Variants in GLIS1 observed in about 807,000 individuals in gnomAD.
GLIS1 encodes GLIS family zinc finger 1.
In GLIS1, 24 loss-of-function variants were observed where a neutral mutation model predicts 63.8. The ratio of observed to expected loss-of-function variants is 0.38; its 90% confidence interval spans 0.27 to 0.53. The LOEUF (loss-of-function observed/expected upper bound fraction) is 0.53, where lower values mean the gene tolerates loss of function less well. GLIS1 is among the 20% of genes least tolerant of loss of function. The pLI is 0.85. For synonymous variants in GLIS1, 450 were observed against 482.5 expected (o/e 0.93, Z 0.88); for missense variants, 1,036 against 1,074.1 (o/e 0.96, Z 0.50).
chr1:53,600,340 T>G, intron 2 of GLIS1, 62 bp from the exon 3 acceptor site: 4 of 1,099,492 alleles, frequency 3.6e-6, no homozygotes, highest in South Asian at 4.6e-5. Flanking sequence ...CAGAGGGGTA[T>G]GGGGAGAGGG....
intron 7 of GLIS1, among the ~76,000 whole-genome samples, chr1:53,515,469 C>T (rs1339683036): frequency 6.6e-6 from 1 of 152,068 alleles, no homozygotes; most frequent in Non-Finnish European, 1.5e-5. Context: ...ATGGGCGGTA[C>T]ACTGAACAAG....
chr1:53,507,631 G>C (rs930493205), intron 10 of GLIS1, among the ~76,000 whole-genome samples: 2 of 152,234 alleles, frequency 1.3e-5, no homozygotes, highest in African/African-American at 2.4e-5. Context: ...CCTGAAGCTT[G>C]TCAGCCTGGA....
intron 2 of GLIS1, among the ~76,000 whole-genome samples, chr1:53,643,325 T>C (rs1319499513): frequency 6.6e-6 from 1 of 152,196 alleles, no homozygotes; most frequent in African/African-American, 2.4e-5. Context: ...AGAGGCCCAT[T>C]ATGACTTTGG....
At chr1:53,732,694 C>T (rs1646875251) in intron 2 of GLIS1, among the ~76,000 whole-genome samples, 2 of 152,016 alleles carry the variant, frequency 1.3e-5, no homozygotes, top group South Asian at 4.2e-4. Context: ...TTCTTCTCCC[C>T]CTTGAACTGA....
intron 9 of GLIS1, among the ~76,000 whole-genome samples, chr1:53,509,587 T>A (rs1272070556): frequency 1.3e-5 from 2 of 152,168 alleles, no homozygotes; most frequent in Non-Finnish European, 2.9e-5. Flanking sequence ...TCCCGCTCAC[T>A]GGCCTCTCCT....
intron 10 of GLIS1, 117 bp from the exon 11 acceptor site, chr1:53,506,893 C>T (rs1008724861): frequency 7.0e-5 from 73 of 1,049,620 alleles, no homozygotes; most frequent in South Asian, 4.6e-4. Context: ...AGTGTCCCGT[C>T]GGTGGGGCCT....
chr1:53,532,261 C>T (rs536398710), intron 4 of GLIS1, among the ~76,000 whole-genome samples: 6 of 152,234 alleles, frequency 3.9e-5, no homozygotes, highest in African/African-American at 1.4e-4. Context: ...TGTAGCAGTT[C>T]CAGAGGAGGG....
intron 2 of GLIS1, among the ~76,000 whole-genome samples, chr1:53,730,412 G>C (rs190812908): frequency 4.0e-4 from 61 of 152,212 alleles, no homozygotes; most frequent in African/African-American, 1.3e-3. Flanking sequence ...GTCCAGCAGC[G>C]TTCCAAAATA....
intron 2 of GLIS1, among the ~76,000 whole-genome samples, chr1:53,643,843 T>C (rs1645813856): frequency 6.6e-6 from 1 of 152,082 alleles, no homozygotes; most frequent in Admixed American, 6.5e-5. Context: ...AAACTGGTTG[T>C]CCAAACGTCC....
chr1:53,518,975 G>C (rs1041786319), intron 7 of GLIS1, among the ~76,000 whole-genome samples: 1 of 152,202 alleles, frequency 6.6e-6, no homozygotes, highest in Non-Finnish European at 1.5e-5. Flanking sequence ...TAAAACTGAC[G>C]GGGTAGGTAC....
At chr1:53,738,206 G>T in intron 1 of GLIS1, 100 bp from the exon 2 acceptor site, 1 of 664,226 alleles carries the variant, frequency 1.5e-6, no homozygotes, top group Non-Finnish European at 2.1e-6. Flanking sequence ...TCGGTGGATT[G>T]CGCGTCTTTA....
chr1:53,728,184 G>C (rs1646824220), intron 2 of GLIS1, among the ~76,000 whole-genome samples: 1 of 152,136 alleles, frequency 6.6e-6, no homozygotes, highest in Non-Finnish European at 1.5e-5. Context: ...CAAAAGGAAG[G>C]GTAATAAGAA....
At chr1:53,654,240 C>A (rs1465035) in intron 2 of GLIS1, among the ~76,000 whole-genome samples, 1 of 151,996 alleles carries the variant, frequency 6.6e-6, no homozygotes, top group African/African-American at 2.4e-5. Context: ...GACAGAGCAG[C>A]GAACGAGATC....
chr1:53,565,824 A>G (rs1644932197), intron 4 of GLIS1, among the ~76,000 whole-genome samples: 1 of 152,106 alleles, frequency 6.6e-6, no homozygotes, highest in Non-Finnish European at 1.5e-5. Flanking sequence ...AAAAAAAGGG[A>G]TACTCCCAAA....
At chr1:53,660,805 T>A (rs1646019213) in intron 2 of GLIS1, among the ~76,000 whole-genome samples, 1 of 152,132 alleles carries the variant, frequency 6.6e-6, no homozygotes, top group Non-Finnish European at 1.5e-5. Flanking sequence ...CCTTCAGGGC[T>A]CAGCAGGGAG....
intron 2 of GLIS1, among the ~76,000 whole-genome samples, chr1:53,609,416 G>A (rs2100569556): frequency 6.6e-6 from 1 of 151,866 alleles, no homozygotes; most frequent in South Asian, 2.1e-4. Flanking sequence ...GACTACAGGT[G>A]TGTGCCACCA....
chr1:53,676,668 G>T (rs1480138407), intron 2 of GLIS1, among the ~76,000 whole-genome samples: 1 of 152,060 alleles, frequency 6.6e-6, no homozygotes, highest in Non-Finnish European at 1.5e-5. Context: ...GCTGAAACAG[G>T]CAAGGCACAG....
At chr1:53,626,349 G>C (rs1482818081) in intron 2 of GLIS1, among the ~76,000 whole-genome samples, 1 of 152,136 alleles carries the variant, frequency 6.6e-6, no homozygotes, top group Non-Finnish European at 1.5e-5. Context: ...GTCCTCGAGA[G>C]CCAGCAGCCT....
chr1:53,737,838 T>A lies in GLIS1; in HGVS notation c.227A>T (p.Tyr76Phe). The part of the protein sequence containing the change: ...DLLRPRSPRD[Y>F]GPSKAAAAGK... ...GGCGGCGGCGGCCTTGGATGGACCGTAGTCTCGGGGACTGCGGGGCCGGAG... is the reference window on the plus strand; with the variant it reads ...GGCGGCGGCGGCCTTGGATGGACCGAAGTCTCGGGGACTGCGGGGCCGGAG... Residue 76 changes from tyrosine (Y) to phenylalanine (F), a missense_variant, in exon 2 of 11, where the codon TAC becomes TTC. Tyr to Phe is a conservative substitution (Grantham distance 22). Coordinates refer to ENST00000628545, the MANE Select transcript of GLIS1 (RefSeq NM_001367484.1). 8.1e-7 allele frequency: 1 copy of A among 1,231,076 alleles called. No homozygotes were observed. The highest frequency in any genetic ancestry group is 4.1e-5 in the South Asian group (1 of 24,316). 76.3% of individuals were successfully genotyped at this position (1,231,076 alleles called of 1,614,324 possible).
Sources: gnomAD v4.1 joint callset for allele counts (sites outside exome capture counted in the v4.1 genomes callset) on GRCh38, gnomAD v4.1.1 for gene constraint, MANE v1.5 for transcripts, NCBI Gene and HGNC (gene_info 2026-07-23, HGNC 2026-07-21) for gene names.